Variants in PPP3CA observed in about 807,000 individuals in gnomAD.
PPP3CA encodes the protein protein phosphatase 3 catalytic subunit alpha.
PPP3CA carries 14 observed loss-of-function variants against 66.5 expected under a neutral mutation model. The observed-to-expected ratio is 0.21, with a 90% CI of 0.14 to 0.33. The LOEUF (loss-of-function observed/expected upper bound fraction) is 0.33. PPP3CA is among the 10% of genes least tolerant of loss of function. PPP3CA has a pLI of 1.00. For missense variants in PPP3CA, 317 were observed against 639.5 expected, an observed-to-expected ratio of 0.50 and a Z score of 5.44; for synonymous variants, 232 against 226.2, an observed-to-expected ratio of 1.03 and a Z score of -0.23.
At chr4:101,296,071 AAGAG>A (rs1203554191) in intron 1 of PPP3CA, among the ~76,000 whole-genome samples, 1 of 152,190 alleles carries the variant, frequency 6.6e-6, no homozygotes, top group Non-Finnish European at 1.5e-5. Flanking sequence ...ATGTGTCAAG[AAGAG>A]AGTCACATTG....
intron 1 of PPP3CA, among the ~76,000 whole-genome samples, chr4:101,323,593 C>G (rs78215415): frequency 6.6e-6 from 1 of 152,186 alleles, no homozygotes. Flanking sequence ...CCTAAATAAT[C>G]TCTCAGATGT....
At chr4:101,165,314 T>A (rs920850781) in intron 2 of PPP3CA, among the ~76,000 whole-genome samples, 6 of 152,208 alleles carry the variant, frequency 3.9e-5, no homozygotes, top group Non-Finnish European at 7.3e-5. Context: ...GCAGTCTTTT[T>A]CCCAAACATT....
rs144072153 is a variant in PPP3CA at position 101,224,733 on chromosome 4, T to A, written c.59-28617A>T. Among the ~76,000 whole-genome samples, 408 of 151,906 alleles carry A rather than the reference T, an allele frequency of 2.7e-3. 3 individuals are homozygous for A. The highest frequency in any genetic ancestry group is 0.01 in the Middle Eastern group (3 of 294). On this transcript the variant is annotated intron_variant, in intron 1 of 13. Coordinates refer to ENST00000394854, the MANE Select transcript of PPP3CA (RefSeq NM_000944.5). ...AATAAGGAAATCGGGGCAGGGGGGATGGTGCAGAAGAACTGGCCAATACTA... is the reference window on the plus strand; with the variant it reads ...AATAAGGAAATCGGGGCAGGGGGGAAGGTGCAGAAGAACTGGCCAATACTA...
intron 1 of PPP3CA, among the ~76,000 whole-genome samples, chr4:101,234,598 G>C (rs1360320953): frequency 6.6e-6 from 1 of 150,772 alleles, no homozygotes; most frequent in Non-Finnish European, 1.5e-5. Flanking sequence ...TTGTAAATCG[G>C]GTCATTTTTA....
At chr4:101,061,593 T>C (rs1728462882) in intron 9 of PPP3CA, among the ~76,000 whole-genome samples, 1 of 152,124 alleles carries the variant, frequency 6.6e-6, no homozygotes, top group African/African-American at 2.4e-5. Flanking sequence ...CTTCACGCCA[T>C]TATAGGCATG....
At chr4:101,280,979 A>G (rs1262884532) in intron 1 of PPP3CA, among the ~76,000 whole-genome samples, 1 of 152,108 alleles carries the variant, frequency 6.6e-6, no homozygotes, top group Non-Finnish European at 1.5e-5. Flanking sequence ...AAAAAAAATG[A>G]CTGAGAGAGA....
intron 3 of PPP3CA, among the ~76,000 whole-genome samples, chr4:101,106,993 G>C (rs1359709385): frequency 1.3e-5 from 2 of 152,188 alleles, no homozygotes; most frequent in African/African-American, 4.8e-5. Flanking sequence ...AATCCTGGCA[G>C]ACACCAGTCC....
chr4:101,266,265 AAAAT>A (rs1727167172), intron 1 of PPP3CA, among the ~76,000 whole-genome samples: 1 of 152,180 alleles, frequency 6.6e-6, no homozygotes, highest in South Asian at 2.1e-4. Flanking sequence ...CTAACAGAAG[AAAAT>A]AAAGAGAATA....
chr4:101,326,360 T>C (rs1729208865), intron 1 of PPP3CA, among the ~76,000 whole-genome samples: 2 of 152,154 alleles, frequency 1.3e-5, no homozygotes, highest in Admixed American at 6.5e-5. Flanking sequence ...TCAGAACAGA[T>C]TTCCATATTA....
chr4:101,243,724 T>C (rs1363420052), intron 1 of PPP3CA, among the ~76,000 whole-genome samples: 1 of 152,134 alleles, frequency 6.6e-6, no homozygotes, highest in Non-Finnish European at 1.5e-5. Context: ...CAATCCCACA[T>C]GGTTGCCGAG....
chr4:101,093,374 T>G (rs917051492), intron 6 of PPP3CA, among the ~76,000 whole-genome samples: 1 of 151,780 alleles, frequency 6.6e-6, no homozygotes, highest in African/African-American at 2.4e-5. Flanking sequence ...TGTTTAGCAA[T>G]GAAGTATTTT....
intron 1 of PPP3CA, among the ~76,000 whole-genome samples, chr4:101,258,182 T>C (rs1578602516): frequency 6.6e-6 from 1 of 152,112 alleles, no homozygotes; most frequent in East Asian, 1.9e-4. Context: ...ATCATAAACT[T>C]ATTGATGGTC....
intron 1 of PPP3CA, among the ~76,000 whole-genome samples, chr4:101,223,382 C>G (rs1725683755): frequency 6.6e-6 from 1 of 151,802 alleles, no homozygotes; most frequent in South Asian, 2.1e-4. Context: ...CTCTGCCAAA[C>G]AGCCCAGTGA....
chr4:101,330,434 T>C lies in PPP3CA; in HGVS notation c.58+16305A>G, dbSNP rs771500000. 9 of 533,698 alleles carry C rather than the reference T, an allele frequency of 1.7e-5. No homozygotes were observed. The East Asian group carries it at 4.9e-4, about 29-fold the overall frequency. 33.1% of individuals were successfully genotyped at this position (533,698 alleles called of 1,614,324 possible). A position where few individuals can be genotyped will look rare whatever the true frequency, so the allele number is the denominator to read the frequency against. On this transcript the variant is annotated intron_variant, in intron 1 of 13. Coordinates refer to ENST00000394854, the MANE Select transcript of PPP3CA (RefSeq NM_000944.5). Reference sequence around the variant, plus strand: ...TCCAATACTACATACATTTAGCTGATAAAGCAACAGCCACCCCAAGACACT... The same window carrying C: ...TCCAATACTACATACATTTAGCTGACAAAGCAACAGCCACCCCAAGACACT...
intron 1 of PPP3CA, among the ~76,000 whole-genome samples, chr4:101,210,585 T>G (rs1057509426): frequency 3.9e-5 from 6 of 152,152 alleles, no homozygotes; most frequent in Admixed American, 3.9e-4. Context: ...TTTTACCTCC[T>G]TGGCCACACA....
intron 1 of PPP3CA, among the ~76,000 whole-genome samples, chr4:101,198,860 T>C (rs1724882036): frequency 6.6e-6 from 1 of 152,134 alleles, no homozygotes; most frequent in East Asian, 1.9e-4. Flanking sequence ...ACACCTGCTC[T>C]GAGATATTGG....
chr4:101,162,139 C>A (rs1276770118), intron 2 of PPP3CA, among the ~76,000 whole-genome samples: 2 of 151,982 alleles, frequency 1.3e-5, no homozygotes, highest in Non-Finnish European at 2.9e-5. Flanking sequence ...ACTGGGGAGG[C>A]TGAGGGAGGA....
At chr4:101,155,311 G>C (rs952952200) in intron 2 of PPP3CA, among the ~76,000 whole-genome samples, 1 of 152,160 alleles carries the variant, frequency 6.6e-6, no homozygotes, top group Non-Finnish European at 1.5e-5. Context: ...TAAAAGAGTA[G>C]ATGAATGCAT....
chr4:101,162,169 G>C (rs973419890), intron 2 of PPP3CA, among the ~76,000 whole-genome samples: 2 of 152,076 alleles, frequency 1.3e-5, no homozygotes, highest in African/African-American at 4.8e-5. Context: ...GAACCTAGGA[G>C]GGGGAGGTTG....
Sources: allele counts gnomAD v4.1 joint callset (sites outside exome capture counted in the v4.1 genomes callset), GRCh38; gene constraint gnomAD v4.1.1; transcripts MANE v1.5; gene names NCBI Gene and HGNC (gene_info 2026-07-23, HGNC 2026-07-21).